The following SCN3A variants were observed in gnomAD, a reference collection of about 807,000 sequenced individuals.
SCN3A encodes sodium voltage-gated channel alpha subunit 3, also known as sodium channel protein type 3 subunit alpha.
A neutral mutation model predicts 187.6 loss-of-function variants in SCN3A; 60 were observed. The ratio of observed to expected loss-of-function variants is 0.32; its 90% CI spans 0.26 to 0.40. SCN3A has a LOEUF of 0.40. Ranked by LOEUF, SCN3A falls within the 10% of genes least tolerant of loss-of-function variation. The probability of loss-of-function intolerance (pLI) is 1.00; values close to 1 mark genes in which losing one functional copy is unlikely to be tolerated. For synonymous variants in SCN3A, 788 were observed against 829.2 expected, an observed-to-expected ratio of 0.95 and a Z score of 0.85; for missense variants, 1,601 against 2,428.2, an observed-to-expected ratio of 0.66 and a Z score of 7.16.
intron 11 of SCN3A, among the ~76,000 whole-genome samples, chr2:165,147,848 A>G (rs1308144080): frequency 2.0e-5 from 3 of 152,198 alleles, no homozygotes; most frequent in Admixed American, 6.5e-5. Flanking sequence ...AAACATGGCA[A>G]ATAGTATTTT....
intron 15 of SCN3A, 66 bp downstream of exon 15, chr2:165,137,813 T>C: frequency 2.4e-6 from 3 of 1,235,544 alleles, no homozygotes; most frequent in Admixed American, 1.7e-5. Context: ...CACAAATACA[T>C]CTTTCCCTTT....
rs772434638 is a variant in SCN3A, at chr2:165,092,369, C to A, written c.4692G>T (p.Val1564=). 4.3e-6 allele frequency: 7 copies of A among 1,613,936 alleles called. No individual in the cohort carries two copies. In the Middle Eastern group the frequency reaches 4.9e-4, roughly 114 times the overall value. The change falls in exon 27 of 28, where the codon GTG becomes GTT. Residue 1564 remains valine, a synonymous_variant. Transcript: ENST00000283254. The surrounding 1 kb of genome is among the most constrained non-coding windows in gnomAD (Gnocchi z 4.2). ...ATTCTCCAGTGAACAGAACAATGAA[C>A]ACTAGGTTGATCCGGGACAAAACTA... ...MTLVLSRINL[V]FIVLFTGEFV...
Position 165,090,124 on chromosome 2 carries a change from T to C in SCN3A, c.*26A>G. ...ACCTTCATAGGCTGTAAACAATTGATCACAAAGATAATTCTTTGTTTCTTT... is the reference window on the plus strand; with the variant it reads ...ACCTTCATAGGCTGTAAACAATTGACCACAAAGATAATTCTTTGTTTCTTT... On this transcript the variant is annotated 3_prime_UTR_variant, in exon 28 of 28. Transcript: ENST00000283254. The surrounding 1 kb of genome is among the most constrained non-coding windows in gnomAD (Gnocchi z 4.0). The C allele has an allele frequency of 4.5e-6, 7 of 1,556,204 alleles. No individual in the cohort carries two copies. The highest frequency in any genetic ancestry group is 6.1e-6 in the Non-Finnish European group (7 of 1,148,628).
At chr2:165,195,137 A>G (rs1691866785) in intron 1 of SCN3A, 1 of 152,178 alleles carries the variant, frequency 6.6e-6, no homozygotes, top group East Asian at 1.9e-4. Context: ...GGATTGTAGC[A>G]ACCAAACTGC....
intron 1 of SCN3A, among the ~76,000 whole-genome samples, chr2:165,192,460 A>G (rs187836663): frequency 1.0e-3 from 155 of 152,284 alleles, no homozygotes; most frequent in African/African-American, 3.5e-3. Context: ...TTTTTTAGAT[A>G]AGAAAACTAT....
rs1379386644 is a variant in SCN3A at position 165,115,472 on chromosome 2, T to C, written c.3497A>G (p.Glu1166Gly). 3.7e-6 allele frequency: 6 copies of C among 1,613,830 alleles called. No individual in the cohort carries two copies. The highest frequency in any genetic ancestry group is 5.1e-6 in the Non-Finnish European group (6 of 1,179,918). The change falls in exon 19 of 28, where the codon GAA becomes GGA. Residue 1166 changes from glutamate (E) to glycine (G), a missense_variant. Physicochemically the swap from Glu to Gly is moderately conservative, Grantham distance 98 (BLOSUM62 -2). Coordinates refer to ENST00000283254, the MANE Select transcript of SCN3A (RefSeq NM_006922.4). ...TTGTTTACCTTCAGTAAAACAAGCTTCCGGTTTAAGGTCTTCTTCGGGTTC... is the reference window on the plus strand; with the variant it reads ...TTGTTTACCTTCAGTAAAACAAGCTCCCGGTTTAAGGTCTTCTTCGGGTTC... ...ETEPEEDLKP[E>G]ACFTEGCIKK... is the part of the protein sequence containing the mutation.
chr2:165,173,910 A>C (rs1690278474), intron 3 of SCN3A, among the ~76,000 whole-genome samples: 1 of 152,214 alleles, frequency 6.6e-6, no homozygotes, highest in South Asian at 2.1e-4. Context: ...CTATGAATAA[A>C]TCAGGGTCTA....
intron 2 of SCN3A, among the ~76,000 whole-genome samples, chr2:165,186,038 G>A (rs937605358): frequency 2.6e-5 from 4 of 152,088 alleles, no homozygotes; most frequent in Non-Finnish European, 4.4e-5. Flanking sequence ...TTGGGAGGCC[G>A]AGGCAGGCAG....
chr2:165,134,881 T>C (rs934168006), intron 15 of SCN3A, among the ~76,000 whole-genome samples: 2 of 151,984 alleles, frequency 1.3e-5, no homozygotes, highest in African/African-American at 4.8e-5. Flanking sequence ...CATAAGGTGA[T>C]CTTTTCAGCT....
chr2:165,131,112 A>G (rs1687287322), intron 16 of SCN3A, 132 bp downstream of exon 16: 2 of 455,700 alleles, frequency 4.4e-6, no homozygotes, highest in Non-Finnish European at 6.9e-6. Context: ...GAGGATGTTT[A>G]CATGTTTTCT....
intron 20 of SCN3A, among the ~76,000 whole-genome samples, chr2:165,113,508 T>C (rs1686216039): frequency 6.6e-6 from 1 of 152,050 alleles, no homozygotes; most frequent in Admixed American, 6.6e-5. Context: ...GTTAATACAA[T>C]TATTAGGGAG....
intron 1 of SCN3A, among the ~76,000 whole-genome samples, chr2:165,187,368 C>T (rs959620991): frequency 6.6e-6 from 1 of 152,160 alleles, no homozygotes; most frequent in Non-Finnish European, 1.5e-5. Context: ...TAACCAACAG[C>T]AATGGCTTAG....
chr2:165,098,564 G>A (rs551898153), intron 22 of SCN3A, among the ~76,000 whole-genome samples: 13 of 152,216 alleles, frequency 8.5e-5, no homozygotes, highest in Admixed American at 3.3e-4. Context: ...GGCTGGGCCC[G>A]TAAAGTCCCT....
intron 5 of SCN3A, among the ~76,000 whole-genome samples, chr2:165,168,137 A>G (rs1294593324): frequency 6.6e-6 from 1 of 152,078 alleles, no homozygotes; most frequent in Non-Finnish European, 1.5e-5. Flanking sequence ...ACAAAGTTCC[A>G]TAAGTTTTAC....
chr2:165,123,530 A>G (rs1040218886), intron 18 of SCN3A, among the ~76,000 whole-genome samples: 1 of 152,098 alleles, frequency 6.6e-6, no homozygotes, highest in Admixed American at 6.6e-5. Context: ...AAAATGTATA[A>G]CTCTGGTGGG....
At position 165,140,682 on chromosome 2, in the gene SCN3A, A is replaced by T. The variant is rs1687953056; in HGVS notation, c.1988T>A (p.Leu663Gln). The T allele has an allele frequency of 6.2e-7, 1 of 1,614,080 alleles. No individual in the cohort carries two copies. The highest frequency in any genetic ancestry group is 8.5e-7 in the Non-Finnish European group (1 of 1,179,996). ...VVSLVGGPSA[L>Q]TSPTGQLPPE... ...GGGAAGTTGTCCAGTAGGTGACGTT[A>T]GAGCTGAAGGTCCACCCACCAAGGA... Residue 663 changes from leucine (L) to glutamine (Q), a missense_variant, in exon 13 of 28, where the codon CTA becomes CAA. By Grantham distance (113) the Leu-to-Gln change is moderately radical. Around this residue, in one of 11 missense-constraint regions of SCN3A, gnomAD observed 376 missense variants for 476.0 expected, o/e 0.79. Transcript: ENST00000283254. The surrounding 1 kb of genome is among the most constrained non-coding windows in gnomAD (Gnocchi z 4.2).
At chr2:165,144,631 C>A (rs1271303959) in intron 12 of SCN3A, among the ~76,000 whole-genome samples, 2 of 152,152 alleles carry the variant, frequency 1.3e-5, no homozygotes, top group African/African-American at 4.8e-5. Context: ...ATAGTGAGGT[C>A]ATTGTAAACC....
At chr2:165,155,465 T>C (rs1486318021) in intron 10 of SCN3A, among the ~76,000 whole-genome samples, 1 of 151,992 alleles carries the variant, frequency 6.6e-6, no homozygotes, top group Non-Finnish European at 1.5e-5. Flanking sequence ...AATGATATGA[T>C]CTCGACTCAC....
chr2:165,175,974 T>G (rs184671721), intron 3 of SCN3A, among the ~76,000 whole-genome samples, 157 bp downstream of exon 3: 276 of 152,300 alleles, frequency 1.8e-3, no homozygotes, highest in African/African-American at 6.4e-3. Context: ...TATAAATGTT[T>G]GTTTTATTAT....
Sources: gnomAD v4.1 joint callset for allele counts (sites outside exome capture counted in the v4.1 genomes callset) on GRCh38, gnomAD v4.1.1 for gene constraint, gnomAD v4.1.1 regional missense constraint, Gnocchi (gnomAD v3.1) non-coding constraint, MANE v1.5 for transcripts, NCBI Gene and HGNC (gene_info 2026-07-23, HGNC 2026-07-21) for gene names.